Variants in MRO observed in about 807,000 individuals in gnomAD.
MRO encodes the protein maestro.
A neutral mutation model predicts 31.0 loss-of-function variants in MRO; 28 were observed. That is an observed-to-expected ratio of 0.90 (90% CI 0.67 to 1.24). The LOEUF (loss-of-function observed/expected upper bound fraction) is 1.24. Among genes scored for constraint, MRO ranks in the 50% most tolerant of loss-of-function variants. The probability of loss-of-function intolerance (pLI) is 0.00; values close to 1 mark genes in which losing one functional copy is unlikely to be tolerated. For missense variants in MRO, 332 were observed against 289.2 expected (o/e 1.15, Z -1.07); for synonymous variants, 108 against 108.4 (o/e 1.00, Z 0.02).
intron 2 of MRO, 81 bp from the exon 3 acceptor site, chr18:50,809,485 G>A (rs1914285540): frequency 2.1e-6 from 2 of 949,348 alleles, no homozygotes; most frequent in Admixed American, 2.2e-5. Flanking sequence ...CATTGTGCTG[G>A]GGTAAGAATA....
upstream of MRO, among the ~76,000 whole-genome samples, chr18:50,824,618 C>CTAAT (rs1338242572): frequency 2.0e-5 from 3 of 151,002 alleles, no homozygotes; most frequent in African/African-American, 7.3e-5. Context: ...CCATGCCTGA[C>CTAAT]TAATTTTTTG....
chr18:50,808,019 G>A (rs983740665), intron 3 of MRO, among the ~76,000 whole-genome samples: 1 of 152,160 alleles, frequency 6.6e-6, no homozygotes, highest in East Asian at 1.9e-4. Flanking sequence ...TCTGGGAGGC[G>A]AAAGTTGCAG....
chr18:50,795,597 T>C lies in MRO; in HGVS notation c.*3740A>G, dbSNP rs1050384981. Reference sequence around the variant, plus strand: ...CCTGTTAGATTCTCAGCCTCCTCCTTTGTCATTTTCTCTCCTCTCTCTCCA... The same window carrying C: ...CCTGTTAGATTCTCAGCCTCCTCCTCTGTCATTTTCTCTCCTCTCTCTCCA... On this transcript the variant is annotated 3_prime_UTR_variant, in exon 8 of 8. Transcript: ENST00000398439. 10 of 152,256 alleles carry C rather than the reference T, an allele frequency of 6.6e-5. No homozygotes were observed. Among genetic ancestry groups the C allele is most frequent in the African/African-American group, 2.4e-4 (10 of 41,454 alleles). 9.4% of individuals were successfully genotyped at this position (152,256 alleles called of 1,614,324 possible). A position where few individuals can be genotyped will look rare whatever the true frequency, so the allele number is the denominator to read the frequency against.
At position 50,798,484 on chromosome 18, in the gene MRO, G is replaced by A. The variant is rs1025758582; in HGVS notation, c.*853C>T. The A allele has an allele frequency of 1.3e-5, 2 of 152,164 alleles. No individual in the cohort carries two copies. Among genetic ancestry groups the A allele is most frequent in the African/African-American group, 4.8e-5 (2 of 41,438 alleles). The allele number at this position is 152,164 out of a possible 1,614,324, so 9.4% of individuals were successfully genotyped here. ...GGGCTCAAGAAGTCAGACCGTACAT[G>A]TTTGAATTCCAGCTCCACTGTTTAC... On this transcript the variant is annotated 3_prime_UTR_variant, in exon 8 of 8. Transcript: ENST00000398439.
At chr18:50,803,393 G>T (rs1382352015) in intron 5 of MRO, among the ~76,000 whole-genome samples, 1 of 152,026 alleles carries the variant, frequency 6.6e-6, no homozygotes, top group Non-Finnish European at 1.5e-5. Context: ...TGTGGTCCCA[G>T]CCACTCAGGA....
At position 50,795,623 on chromosome 18, in the gene MRO, C is replaced by A. The variant is rs1025711086; in HGVS notation, c.*3714G>T. On this transcript the variant is annotated 3_prime_UTR_variant, in exon 8 of 8. Transcript: ENST00000398439. ...TGTCATTTTCTCTCCTCTCTCTCCA[C>A]CACTTCCCTCTCCCCTTTAAGAAAG... The A allele has an allele frequency of 6.6e-6, 1 of 152,358 alleles. No individual in the cohort carries two copies. The highest frequency in any genetic ancestry group is 1.5e-5 in the Non-Finnish European group (1 of 68,180). 9.4% of individuals were successfully genotyped at this position (152,358 alleles called of 1,614,324 possible).
intron 2 of MRO, among the ~76,000 whole-genome samples, chr18:50,817,991 C>A: frequency 8.4e-6 from 1 of 118,490 alleles, no homozygotes; most frequent in African/African-American, 3.3e-5. Context: ...TTAAAGAACT[C>A]CCACCCCCCG....
chr18:50,823,903 A>C (rs1350043102), upstream of MRO: 1 of 182,984 alleles, frequency 5.5e-6, no homozygotes, highest in African/African-American at 2.3e-5. Flanking sequence ...TTAGAGGTAG[A>C]TTCTTGGATC....
intron 3 of MRO, among the ~76,000 whole-genome samples, chr18:50,807,682 G>T (rs116783386): frequency 1.2e-3 from 184 of 152,220 alleles, no homozygotes; most frequent in African/African-American, 4.2e-3. Context: ...GCACTTAAAG[G>T]ATGTCCCAAC....
intron 3 of MRO, 128 bp downstream of exon 3, chr18:50,809,168 AAAAAAC>A: frequency 2.7e-6 from 1 of 370,284 alleles, no homozygotes; most frequent in Non-Finnish European, 4.9e-6. Context: ...AAAAAAAAAA[AAAAAAC>A]TGTCATCAAA....
chr18:50,823,848 C>T, upstream of MRO: 1 of 205,510 alleles, frequency 4.9e-6, no homozygotes, highest in South Asian at 9.2e-5. Flanking sequence ...TGAATTTTTG[C>T]TGCATGTGCT....
chr18:50,806,979 A>C, intron 3 of MRO, 129 bp from the exon 4 acceptor site: 2 of 902,198 alleles, frequency 2.2e-6, no homozygotes, highest in African/African-American at 1.7e-5. Context: ...TCTCCTACTA[A>C]AGACGGCTGG....
In MRO at chr18:50,795,187, T is replaced by A. The variant is rs1487218622; in HGVS notation, c.*4150A>T. On this transcript the variant is annotated 3_prime_UTR_variant, in exon 8 of 8. Transcript: ENST00000398439. ...TTATATTATCAACAGGTTATTGTCA[T>A]CAACAGATTAAAACAAAATGTCTCA... 1 of 152,216 alleles carries A rather than the reference T, an allele frequency of 6.6e-6. No individual in the cohort carries two copies. The highest frequency in any genetic ancestry group is 2.4e-5 in the African/African-American group (1 of 41,458). 9.4% of individuals were successfully genotyped at this position (152,216 alleles called of 1,614,324 possible).
chr18:50,816,730 G>T (rs1373445329), intron 2 of MRO, among the ~76,000 whole-genome samples: 1 of 152,048 alleles, frequency 6.6e-6, no homozygotes, highest in Non-Finnish European at 1.5e-5. Context: ...GCATATTTAT[G>T]AATTTAATAG....
intron 2 of MRO, among the ~76,000 whole-genome samples, chr18:50,817,969 A>G (rs1408535288): frequency 6.6e-6 from 1 of 151,626 alleles, no homozygotes; most frequent in Non-Finnish European, 1.5e-5. Flanking sequence ...TGTTTCTTGT[A>G]CTTGCAGCTT....
rs1269917565 is a variant in MRO, at chr18:50,805,219, G to A, written c.364C>T (p.Gln122Ter). The A allele has an allele frequency of 6.2e-7, 1 of 1,613,990 alleles. No individual in the cohort carries two copies. The highest frequency in any genetic ancestry group is 8.5e-7 in the Non-Finnish European group (1 of 1,179,888). Residue 122 changes from glutamine (Q) to a stop codon, truncating the protein, a stop_gained, in exon 5 of 8, where the codon CAG (glutamine) becomes TAG (stop). Transcript: ENST00000398439. LOFTEE classifies it high-confidence loss of function. ...AAGAAGGAACCCAAACCTTTCCCCT[G>A]GATCTTGCCCAGAACGACGGTCAGA... ...KTLTVVLGKI[Q>*]GKGLGSFFID...
At chr18:50,816,613 T>C (rs114104259) in intron 2 of MRO, among the ~76,000 whole-genome samples, 2,084 of 152,304 alleles carry the variant, frequency 0.014, 45 homozygotes, top group African/African-American at 0.046. Flanking sequence ...GGGAATTCTA[T>C]TCTCCCCATT....
chr18:50,802,444 A>G (rs1913432043), intron 5 of MRO, among the ~76,000 whole-genome samples: 1 of 152,180 alleles, frequency 6.6e-6, no homozygotes, highest in Non-Finnish European at 1.5e-5. Flanking sequence ...CTTGCCCAAA[A>G]TCACACTGTC....
intron 2 of MRO, among the ~76,000 whole-genome samples, chr18:50,817,507 A>T (rs897028825): frequency 6.6e-6 from 1 of 151,346 alleles, no homozygotes; most frequent in Non-Finnish European, 1.5e-5. Flanking sequence ...AAATAAAAAT[A>T]AATAATAATA....
Sources: gnomAD v4.1 joint callset for allele counts (sites outside exome capture counted in the v4.1 genomes callset) on GRCh38, gnomAD v4.1.1 for gene constraint, MANE v1.5 for transcripts, NCBI Gene and HGNC (gene_info 2026-07-23, HGNC 2026-07-21) for gene names.